Variants in MYH8 observed in about 807,000 individuals in gnomAD.
MYH8 encodes the protein myosin-8.
MYH8 carries 168 observed loss-of-function variants against 233.2 expected under a neutral mutation model. That is an observed-to-expected ratio of 0.72 (90% CI 0.64 to 0.82). MYH8 has a LOEUF of 0.82. Among genes scored for constraint, MYH8 ranks in the 40% least tolerant of loss-of-function variants. MYH8 has a pLI of 0.00. For synonymous variants in MYH8, 785 were observed against 850.6 expected (o/e 0.92, Z 1.34); for missense variants, 1,995 against 2,327.8 (o/e 0.86, Z 2.94).
intron 15 of MYH8, 67 bp from the exon 16 acceptor site, chr17:10,409,655 T>C: frequency 6.3e-7 from 1 of 1,592,154 alleles, no homozygotes; most frequent in East Asian, 2.2e-5. Context: ...ATGGTGGCTG[T>C]CATTTGATTG....
rs1345504211 is a variant in MYH8 at position 10,417,636 on chromosome 17, CAG to C, written c.511+1007_511+1008del. On this transcript the variant is annotated intron_variant, in intron 5 of 39. Transcript: ENST00000403437. This position sits in a 1 kb window ranked among gnomAD's most constrained non-coding sequence, Gnocchi z 4.1. The stretch of plus-strand genomic sequence containing the variant: ...GCGGGGGGCTTGCTGAGTGGGAGGA[CAG>C]GGGTGGTGTACATAGCTGTGTAAAT... Among the ~76,000 whole-genome samples the C allele has an allele frequency of 6.6e-6, 1 of 152,126 alleles. No individual in the cohort carries two copies. Among genetic ancestry groups the C allele is most frequent in the Non-Finnish European group, 1.5e-5 (1 of 68,020 alleles).
At chr17:10,405,902 G>A in intron 21 of MYH8, 139 bp downstream of exon 21, 1 of 1,032,338 alleles carries the variant, frequency 9.7e-7, no homozygotes, top group Non-Finnish European at 1.5e-6. Flanking sequence ...CTGAAGCAAA[G>A]GCTGCTGTGT....
chr17:10,401,995 A>G (rs573293804), intron 22 of MYH8, among the ~76,000 whole-genome samples: 1 of 152,314 alleles, frequency 6.6e-6, no homozygotes, highest in East Asian at 1.9e-4. Context: ...CTAGTTTGCA[A>G]AGTTATTGGA....
In MYH8 at chr17:10,398,824, G is replaced by C. The variant is rs1159709746; in HGVS notation, c.3925C>G (p.Gln1309Glu). 6.2e-6 allele frequency: 10 copies of C among 1,613,902 alleles called. No individual in the cohort carries two copies. Among genetic ancestry groups the C allele is most frequent in the Non-Finnish European group, 8.5e-6 (10 of 1,180,010 alleles). ...ALVSQLSRSK[Q>E]ASTQQIEELK... ...TCTTCAATCTGCTGAGTAGATGCTT[G>C]CTTGCTCCTTGAAAGCTGAGAGACT... is the stretch of plus-strand genomic sequence containing the variant. Residue 1309 changes from glutamine (Q) to glutamate (E), a missense_variant, in exon 29 of 40, where the codon CAA (glutamine) becomes GAA (glutamate). Gln to Glu is a conservative substitution (Grantham distance 29). This residue lies in a region of MYH8 where 1,498 missense variants were observed against 1,680.9 expected (regional missense o/e 0.89). Transcript: ENST00000403437.
chr17:10,408,191 A>G (rs922257088), intron 17 of MYH8, among the ~76,000 whole-genome samples: 9 of 151,996 alleles, frequency 5.9e-5, no homozygotes, highest in African/African-American at 2.2e-4. Flanking sequence ...TGCCCGCCTC[A>G]GCCTCCCAAA....
In MYH8 at chr17:10,396,311, AATACAAGGTAATATGT is replaced by A; in HGVS notation, c.4653+3_4653+18del. On this transcript the variant is annotated splice_donor_5th_base_variant and intron_variant, in intron 33 of 39. Transcript: ENST00000403437. The surrounding 1 kb of genome is among the most constrained non-coding windows in gnomAD (Gnocchi z 4.2). ...GTTTGTCTTTGTTTTTCCATAACATAATACAAGGTAATATGTACCTCTGCTTCCTCTAAAGCAGCCT... is the reference window on the plus strand; with the variant it reads ...GTTTGTCTTTGTTTTTCCATAACATAACCTCTGCTTCCTCTAAAGCAGCCT... 1.2e-6 allele frequency: 2 copies of A among 1,613,440 alleles called. No individual in the cohort carries two copies. The highest frequency in any genetic ancestry group is 1.7e-6 in the Non-Finnish European group (2 of 1,179,872).
Position 10,395,303 on chromosome 17 carries a change from C to T in MYH8, c.4792G>A (p.Glu1598Lys). The T allele has an allele frequency of 6.2e-7, 1 of 1,614,192 alleles. No homozygotes were observed. Among genetic ancestry groups the T allele is most frequent in the South Asian group, 1.1e-5 (1 of 91,082 alleles). Residue 1598 changes from glutamate to lysine, a missense_variant, in exon 34 of 40, where the codon GAG becomes AAG. Around this residue, in one of 3 missense-constraint regions of MYH8, gnomAD observed 1,498 missense variants for 1,680.9 expected, o/e 0.89. Transcript: ENST00000403437. ...QLKRNHTRVVETMQSTLDAEI... is the reference protein window; with the variant it reads ...QLKRNHTRVVKTMQSTLDAEI... The stretch of plus-strand genomic sequence containing the variant: ...GCATCCAGCGTGCTCTGCATTGTCT[C>T]CACGACTCTAGTGTGGTTTCTCTTC...
intron 14 of MYH8, 147 bp from the exon 15 acceptor site, chr17:10,411,094 T>C: frequency 7.3e-7 from 1 of 1,378,282 alleles, no homozygotes; most frequent in Non-Finnish European, 9.9e-7. Flanking sequence ...AAATGATCAT[T>C]GGCCGGGCAC....
chr17:10,410,169 T>C (rs1161872846), intron 15 of MYH8, among the ~76,000 whole-genome samples: 1 of 152,134 alleles, frequency 6.6e-6, no homozygotes, highest in African/African-American at 2.4e-5. Flanking sequence ...CTAAGCATAG[T>C]GGCACATGCC....
intron 38 of MYH8, 57 bp from the exon 39 acceptor site, chr17:10,392,034 G>T: frequency 7.0e-7 from 1 of 1,431,046 alleles, no homozygotes; most frequent in Non-Finnish European, 9.9e-7. Context: ...GCTACTCTGG[G>T]TACTAAAATA....
chr17:10,406,962 C>T lies in MYH8; in HGVS notation c.1983G>A (p.Leu661=), dbSNP rs1295662200. ...SALFRENLNK[L]MTNLRSTHPH... is the part of the protein sequence containing the mutation. ...GGTGTGTGCTCCTCAGATTCGTCAT[C>T]AATTTATTTAAATTTTCCTAGAAAA... The change falls in exon 18 of 40, where the codon TTG becomes TTA. Residue 661 remains leucine (L), a synonymous_variant. Transcript: ENST00000403437. 2 of 1,613,908 alleles carry T rather than the reference C, an allele frequency of 1.2e-6. No individual in the cohort carries two copies. Among genetic ancestry groups the T allele is most frequent in the Non-Finnish European group, 1.7e-6 (2 of 1,179,844 alleles).
At position 10,404,418 on chromosome 17, in the gene MYH8, G is replaced by C. The variant is rs1011679307; in HGVS notation, c.2600C>G (p.Ala867Gly). Residue 867 changes from alanine to glycine, a missense_variant, in exon 22 of 40, where the codon GCC (alanine) becomes GGC (glycine). Transcript: ENST00000403437. ...CTCCTTCCGTTTTGCCTCTGACTTGGCGAGTTCATCTTTGGTTTTCTGGAA... is the reference window on the plus strand; with the variant it reads ...CTCCTTCCGTTTTGCCTCTGACTTGCCGAGTTCATCTTTGGTTTTCTGGAA... ...EEFQKTKDEL[A>G]KSEAKRKELE... The C allele has an allele frequency of 2.0e-5, 33 of 1,613,510 alleles. No individual in the cohort carries two copies. The Admixed American group carries it at 3.5e-4, about 17-fold the overall frequency.
Position 10,404,694 on chromosome 17 carries a change from T to C in MYH8, c.2433-109A>G, listed in dbSNP as rs928123936. 11 of 1,299,354 alleles carry C rather than the reference T, an allele frequency of 8.5e-6. No individual in the cohort carries two copies. In the Admixed American group the frequency reaches 2.0e-4, roughly 23 times the overall value. The allele number at this position is 1,299,354 out of a possible 1,614,324, so 80.5% of individuals were successfully genotyped here. A position where few individuals can be genotyped will look rare whatever the true frequency, so the allele number is the denominator to read the frequency against. On this transcript the variant is annotated intron_variant, in intron 21 of 39. Transcript: ENST00000403437. ...AATGAATGCCGCTCACAAATAAATA[T>C]GTCACATTCTCTATATATTATATGC...
In MYH8 at chr17:10,395,160, G is replaced by A; in HGVS notation, c.4935C>T (p.Asn1645=). 1 of 1,613,740 alleles carries A rather than the reference G, an allele frequency of 6.2e-7. No individual in the cohort carries two copies. Among genetic ancestry groups the A allele is most frequent in the Non-Finnish European group, 8.5e-7 (1 of 1,180,030 alleles). ...ANRLAAESLR[N]YRNTQGILKE... ...TCAGGATTCCTTGGGTGTTCCTGTAGTTCCTTAAACTCTCTGCAGCTAAGC... is the reference window on the plus strand; with the variant it reads ...TCAGGATTCCTTGGGTGTTCCTGTAATTCCTTAAACTCTCTGCAGCTAAGC... Residue 1645 remains asparagine (N), a synonymous_variant, in exon 34 of 40, where the codon AAC becomes AAT. Transcript: ENST00000403437.
chr17:10,419,170 G>A lies in MYH8; in HGVS notation c.211-140C>T, dbSNP rs2072315205. 8 of 1,033,990 alleles carry A rather than the reference G, an allele frequency of 7.7e-6. No individual in the cohort carries two copies. The highest frequency in any genetic ancestry group is 1.4e-5 in the South Asian group (1 of 73,196). The allele number at this position is 1,033,990 out of a possible 1,614,324, so 64.1% of individuals were successfully genotyped here. A position where few individuals can be genotyped will look rare whatever the true frequency, so the allele number is the denominator to read the frequency against. ...CCCTCCTGCTTCAAGTGATTGTCCT[G>A]CCTCAGCCTTCTGAGTAGCTGGGAT... On this transcript the variant is annotated intron_variant, in intron 3 of 39. Transcript: ENST00000403437. This position sits in a 1 kb window ranked among gnomAD's most constrained non-coding sequence, Gnocchi z 4.0.
In MYH8 at chr17:10,390,340, T is replaced by G. The variant is rs1023333316; in HGVS notation, c.*114A>C. 1 of 1,368,568 alleles carries G rather than the reference T, an allele frequency of 7.3e-7. No homozygotes were observed. Among genetic ancestry groups the G allele is most frequent in the African/African-American group, 1.4e-5 (1 of 69,808 alleles). 84.8% of individuals were successfully genotyped at this position (1,368,568 alleles called of 1,614,324 possible). ...AGTCCGGTTTAATGTATACATTTAC[T>G]GTAGTTTTTATTTATTCAGCTTTAA... On this transcript the variant is annotated 3_prime_UTR_variant, in exon 40 of 40. Transcript: ENST00000403437.
Position 10,396,833 on chromosome 17 carries a change from G to A in MYH8, c.4332C>T (p.Ala1444=), listed in dbSNP as rs2142170929. The change falls in exon 31 of 40, where the codon GCC becomes GCT. Residue 1444 remains alanine, a synonymous_variant. Transcript: ENST00000403437. The surrounding 1 kb of genome is among the most constrained non-coding windows in gnomAD (Gnocchi z 4.2). ...CAAAGTTCCTTTGCTTCTTATCAAG[G>A]GCTGCACAGGCTGCATTAGACCTTT... The part of the protein sequence containing the change: ...DVERSNAACA[A]LDKKQRNFDK... The A allele has an allele frequency of 6.2e-7, 1 of 1,614,170 alleles. No individual in the cohort carries two copies. The highest frequency in any genetic ancestry group is 8.5e-7 in the Non-Finnish European group (1 of 1,180,046).
Position 10,394,387 on chromosome 17 carries a change from A to C in MYH8, c.5028T>G (p.Ile1676Met). The change falls in exon 35 of 40, where the codon ATT becomes ATG. Residue 1676 changes from isoleucine to methionine, a missense_variant. Coordinates refer to ENST00000403437, the MANE Select transcript of MYH8 (RefSeq NM_002472.3). The stretch of plus-strand genomic sequence containing the variant: ...GCAGCAGGTTGGCTCTGCGCTCCAC[A>C]ATTGCCAGCTGTTCCTTGAGGTCCT... ...GQEDLKEQLAIVERRANLLQA... is the reference protein window; with the variant it reads ...GQEDLKEQLAMVERRANLLQA... The C allele has an allele frequency of 1.2e-6, 2 of 1,614,044 alleles. No homozygotes were observed. Among genetic ancestry groups the C allele is most frequent in the Non-Finnish European group, 1.7e-6 (2 of 1,180,000 alleles).
In MYH8 at chr17:10,396,498, A is replaced by G; in HGVS notation, c.4529-44T>C. The G allele has an allele frequency of 6.2e-7, 1 of 1,614,036 alleles. No individual in the cohort carries two copies. The highest frequency in any genetic ancestry group is 8.5e-7 in the Non-Finnish European group (1 of 1,179,976). On this transcript the variant is annotated intron_variant, in intron 32 of 39. Transcript: ENST00000403437. The surrounding 1 kb of genome is among the most constrained non-coding windows in gnomAD (Gnocchi z 4.2). Reference sequence around the variant, plus strand: ...GAGAGAAATGGTCAGAAAGATGGCAACATGGAAAGGTCCTCCCAGGGATAT... The same window carrying G: ...GAGAGAAATGGTCAGAAAGATGGCAGCATGGAAAGGTCCTCCCAGGGATAT...
Sources: allele counts gnomAD v4.1 joint callset (sites outside exome capture counted in the v4.1 genomes callset), GRCh38; gene constraint gnomAD v4.1.1; regional missense constraint gnomAD v4.1.1; non-coding constraint Gnocchi (gnomAD v3.1); transcripts MANE v1.5; gene names NCBI Gene and HGNC (gene_info 2026-07-23, HGNC 2026-07-21).